Variants in CSMD3 observed in about 807,000 individuals in gnomAD.
CSMD3 encodes CUB and sushi domain-containing protein 3.
Under a neutral mutation model 435.2 loss-of-function variants are expected in CSMD3, and 177 were observed. The ratio of observed to expected loss-of-function variants is 0.41; its 90% CI spans 0.36 to 0.46. The LOEUF is 0.46. CSMD3 is among the 20% of genes least tolerant of loss of function. The pLI is 0.34. For synonymous variants in CSMD3, 1,656 were observed against 1,520.5 expected, an observed-to-expected ratio of 1.09 and a Z score of -2.07; for missense variants, 4,265 against 4,504.6, an observed-to-expected ratio of 0.95 and a Z score of 1.52.
intron 45 of CSMD3, among the ~76,000 whole-genome samples, chr8:112,325,367 A>C (rs1823403722): frequency 6.6e-6 from 1 of 152,108 alleles, no homozygotes; most frequent in Non-Finnish European, 1.5e-5. Context: ...AACATGACCA[A>C]AACAGAGATG....
intron 13 of CSMD3, among the ~76,000 whole-genome samples, chr8:112,755,207 T>C (rs1381973030): frequency 6.6e-6 from 1 of 151,942 alleles, no homozygotes; most frequent in Non-Finnish European, 1.5e-5. Context: ...GGCGGGCACC[T>C]GCAGTCCCAG....
intron 13 of CSMD3, among the ~76,000 whole-genome samples, chr8:112,758,228 C>A (rs745585401): frequency 9.2e-5 from 14 of 151,810 alleles, no homozygotes; most frequent in South Asian, 2.1e-4. Flanking sequence ...GTGGCAGGCA[C>A]CTATAATCCC....
Position 112,301,975 on chromosome 8 carries a change from T to A in CSMD3, c.8267-9A>T, listed in dbSNP as rs565074059. 3.2e-6 allele frequency: 5 copies of A among 1,574,050 alleles called. No individual in the cohort carries two copies. The East Asian group carries it at 1.1e-4, about 35-fold the overall frequency. On this transcript the variant is annotated splice_polypyrimidine_tract_variant and intron_variant, in intron 52 of 70. Transcript: ENST00000297405. Reference sequence around the variant, plus strand: ...TTCTCCACAGGAAATAACTTTAAAATGATAAATAAATAAAAATCCTTAAAG... The same window carrying A: ...TTCTCCACAGGAAATAACTTTAAAAAGATAAATAAATAAAAATCCTTAAAG...
chr8:113,027,656 A>C (rs2086924347), intron 5 of CSMD3, among the ~76,000 whole-genome samples: 1 of 152,134 alleles, frequency 6.6e-6, no homozygotes. Flanking sequence ...AAGATATTAC[A>C]AAGTAGTTAC....
intron 28 of CSMD3, among the ~76,000 whole-genome samples, 178 bp from the exon 29 acceptor site, chr8:112,507,007 A>G (rs1016411677): frequency 1.3e-5 from 2 of 152,150 alleles, no homozygotes; most frequent in South Asian, 4.1e-4. Flanking sequence ...AAAATATTGA[A>G]TACATGCATA....
intron 11 of CSMD3, among the ~76,000 whole-genome samples, chr8:112,856,221 G>A (rs530338321): frequency 1.3e-5 from 2 of 151,872 alleles, no homozygotes; most frequent in Admixed American, 6.6e-5. Flanking sequence ...CTTGTGGAAG[G>A]GGCATAAATG....
At chr8:112,691,195 A>G (rs866664425) in intron 13 of CSMD3, among the ~76,000 whole-genome samples, 1 of 152,174 alleles carries the variant, frequency 6.6e-6, no homozygotes, top group South Asian at 2.1e-4. Context: ...ATACTATTGA[A>G]CATCCTTGTA....
intron 13 of CSMD3, among the ~76,000 whole-genome samples, chr8:112,698,897 G>A (rs1049639450): frequency 3.9e-5 from 6 of 152,072 alleles, no homozygotes; most frequent in Admixed American, 6.6e-5. Context: ...CTAAAGGTTT[G>A]TAAATGCACC....
intron 9 of CSMD3, among the ~76,000 whole-genome samples, chr8:112,937,032 A>C (rs947907205): frequency 6.6e-6 from 1 of 152,098 alleles, no homozygotes; most frequent in Non-Finnish European, 1.5e-5. Context: ...CAATCTATAG[A>C]GTGTAGAAAA....
chr8:112,866,781 G>T lies in CSMD3; in HGVS notation c.1634-7515C>A, dbSNP rs147400854. 7.7e-4 allele frequency among the ~76,000 whole-genome samples: 117 copies of T among 152,242 alleles called. 1 individual carries two copies. The highest frequency in any genetic ancestry group is 2.6e-3 in the African/African-American group (109 of 41,550). On this transcript the variant is annotated intron_variant, in intron 10 of 70. Transcript: ENST00000297405. ...CAACAGCATAAACTATAATTCTTCT[G>T]CTGCACATGATGTGATAGACAAAAC...
At chr8:112,645,787 T>A (rs948224681) in intron 19 of CSMD3, among the ~76,000 whole-genome samples, 2 of 152,184 alleles carry the variant, frequency 1.3e-5, no homozygotes, top group Non-Finnish European at 2.9e-5. Flanking sequence ...AAAATTAATA[T>A]TTGATTTGAT....
At chr8:112,679,085 GTT>G (rs1195093248) in intron 16 of CSMD3, among the ~76,000 whole-genome samples, 32 of 115,040 alleles carry the variant, frequency 2.8e-4, no homozygotes, top group African/African-American at 4.1e-4. Flanking sequence ...GATGGGGCAG[GTT>G]TTTTTTTTTT....
At chr8:112,961,283 T>A (rs1233332016) in intron 7 of CSMD3, among the ~76,000 whole-genome samples, 2 of 151,896 alleles carry the variant, frequency 1.3e-5, no homozygotes, top group Non-Finnish European at 3.0e-5. Flanking sequence ...ATATTATCTA[T>A]GTTCTCTGAA....
chr8:112,817,280 A>G (rs2079400731), intron 12 of CSMD3, among the ~76,000 whole-genome samples: 1 of 152,112 alleles, frequency 6.6e-6, no homozygotes, highest in Non-Finnish European at 1.5e-5. Context: ...CTGTATGCAG[A>G]TGAAAAGGGT....
At chr8:112,868,287 T>C (rs2081040965) in intron 10 of CSMD3, among the ~76,000 whole-genome samples, 1 of 152,128 alleles carries the variant, frequency 6.6e-6, no homozygotes, top group South Asian at 2.1e-4. Flanking sequence ...AAGGCTGTTT[T>C]ACTGCTAAAA....
chr8:112,303,688 G>C (rs2130769931), intron 52 of CSMD3, among the ~76,000 whole-genome samples: 1 of 152,036 alleles, frequency 6.6e-6, no homozygotes, highest in South Asian at 2.1e-4. Context: ...TTGGAACACA[G>C]GGCAACCGAA....
intron 1 of CSMD3, among the ~76,000 whole-genome samples, chr8:113,355,294 A>G (rs1191092632): frequency 6.6e-6 from 1 of 152,028 alleles, no homozygotes; most frequent in Non-Finnish European, 1.5e-5. Context: ...ATATATATAT[A>G]CACTTTGGCT....
At chr8:112,598,805 T>G (rs1446267441) in intron 22 of CSMD3, among the ~76,000 whole-genome samples, 1 of 152,166 alleles carries the variant, frequency 6.6e-6, no homozygotes, top group Admixed American at 6.5e-5. Context: ...CTGGGAAAAC[T>G]GGCTAGCCAT....
intron 34 of CSMD3, 29 bp downstream of exon 34, chr8:112,408,288 AG>A (rs1240478852): frequency 8.2e-7 from 1 of 1,222,802 alleles, no homozygotes; most frequent in South Asian, 1.2e-5. Flanking sequence ...ATCATTCCTT[AG>A]TGTGTTTCTA....
Sources: gnomAD v4.1 joint callset for allele counts (sites outside exome capture counted in the v4.1 genomes callset) on GRCh38, gnomAD v4.1.1 for gene constraint, MANE v1.5 for transcripts, NCBI Gene and HGNC (gene_info 2026-07-23, HGNC 2026-07-21) for gene names.